TENM3: variants seen among roughly 807,000 people sequenced by gnomAD.
TENM3 encodes the protein teneurin transmembrane protein 3, also known as teneurin-3.
A neutral mutation model predicts 255.1 loss-of-function variants in TENM3; 63 were observed. That is an observed-to-expected ratio of 0.25 (90% CI 0.20 to 0.30). TENM3 has a LOEUF of 0.30. TENM3 is among the 10% of genes least tolerant of loss of function. The pLI, the probability that TENM3 is intolerant of heterozygous loss-of-function variation, is 1.00. For missense variants in TENM3, 2,929 were observed against 3,461.1 expected (o/e 0.85, Z 3.86); for synonymous variants, 1,306 against 1,322.3 (o/e 0.99, Z 0.27).
chr4:182,637,655 T>C (rs1169175490), intron 5 of TENM3, among the ~76,000 whole-genome samples: 1 of 152,228 alleles, frequency 6.6e-6, no homozygotes, highest in African/African-American at 2.4e-5. Flanking sequence ...CATTTATTTA[T>C]CAGGTGACTA....
rs190458931 is a variant in TENM3, at chr4:182,174,758, G to C, written c.-76+30004G>C. ...AGCTTTAATATCCAATTTAATGAAA[G>C]ATGCTTATTTCACTTTCCAGAGCAG... On this transcript the variant is annotated intron_variant, in intron 1 of 2. Coordinates refer to the TENM3 transcript ENST00000512480. Among the ~76,000 whole-genome samples the C allele has an allele frequency of 4.0e-3, 613 of 152,228 alleles. 7 individuals are homozygous for C. Among genetic ancestry groups the C allele is most frequent in the African/African-American group, 0.013 (558 of 41,562 alleles).
chr4:182,113,236 A>G, the TENM3 span, among the ~76,000 whole-genome samples: 1 of 152,230 alleles, frequency 6.6e-6, no homozygotes, highest in African/African-American at 2.4e-5. Flanking sequence ...TTCTTTTAAT[A>G]GACTTAAAGA....
the TENM3 span, among the ~76,000 whole-genome samples, chr4:181,596,959 G>A: frequency 6.6e-6 from 1 of 152,148 alleles, no homozygotes; most frequent in South Asian, 2.1e-4. Flanking sequence ...GGAGGGAGAG[G>A]ATCAGGAAAA....
chr4:182,384,571 A>G (rs549910022), intron 3 of TENM3, among the ~76,000 whole-genome samples: 1 of 152,164 alleles, frequency 6.6e-6, no homozygotes, highest in Admixed American at 6.5e-5. Context: ...TTTCAAAAAC[A>G]CCACCGATAT....
intron 1 of TENM3, among the ~76,000 whole-genome samples, chr4:182,311,727 T>C (rs1762455310): frequency 6.6e-6 from 1 of 152,208 alleles, no homozygotes; most frequent in Non-Finnish European, 1.5e-5. Context: ...AAATTAATAA[T>C]TCGTCAAGGA....
the TENM3 span, among the ~76,000 whole-genome samples, chr4:181,603,142 C>CA: frequency 2.0e-5 from 3 of 152,168 alleles, no homozygotes; most frequent in Admixed American, 1.3e-4. Flanking sequence ...CTCTTAATGA[C>CA]AAAATGCCAT....
At chr4:181,657,147 G>A in the TENM3 span, among the ~76,000 whole-genome samples, 1 of 152,174 alleles carries the variant, frequency 6.6e-6, no homozygotes, top group African/African-American at 2.4e-5. Flanking sequence ...GCAGCTTAGA[G>A]GACCAGTGAT....
chr4:182,249,724 G>GT (rs1319766281), intron 1 of TENM3, among the ~76,000 whole-genome samples: 2 of 152,104 alleles, frequency 1.3e-5, no homozygotes, highest in Non-Finnish European at 2.9e-5. Flanking sequence ...CAATTGTGAT[G>GT]TTTTTATATA....
At chr4:181,623,610 A>G in the TENM3 span, among the ~76,000 whole-genome samples, 1 of 152,242 alleles carries the variant, frequency 6.6e-6, no homozygotes, top group Non-Finnish European at 1.5e-5. Context: ...TCATTCTTAA[A>G]AATCTGTGAA....
the TENM3 span, among the ~76,000 whole-genome samples, chr4:182,006,019 C>T: frequency 6.6e-6 from 1 of 152,148 alleles, no homozygotes. Flanking sequence ...CCAGCAGAGA[C>T]AACTTGACTT....
the TENM3 span, among the ~76,000 whole-genome samples, chr4:181,461,520 T>C: frequency 6.6e-6 from 1 of 152,170 alleles, no homozygotes; most frequent in African/African-American, 2.4e-5. Context: ...AATAGCTTCC[T>C]CTACACGTCA....
upstream of TENM3, chr4:182,141,288 A>G (rs887533065): frequency 2.0e-5 from 3 of 152,186 alleles, no homozygotes; most frequent in Non-Finnish European, 4.4e-5. Flanking sequence ...TCCAGTTTTT[A>G]TTGCTGCGGA....
chr4:181,839,921 T>G, the TENM3 span, among the ~76,000 whole-genome samples: 4 of 151,982 alleles, frequency 2.6e-5, no homozygotes, highest in African/African-American at 9.7e-5. Context: ...ATAAATTGAT[T>G]GACGTCTTTT....
the TENM3 span, among the ~76,000 whole-genome samples, chr4:181,558,101 T>G: frequency 2.6e-5 from 4 of 152,322 alleles, no homozygotes; most frequent in African/African-American, 9.6e-5. Context: ...GATTTGATTT[T>G]TGATGCCTGA....
At chr4:182,250,964 G>T (rs1757972680) in intron 1 of TENM3, among the ~76,000 whole-genome samples, 1 of 152,134 alleles carries the variant, frequency 6.6e-6, no homozygotes, top group South Asian at 2.1e-4. Context: ...GTTCACATTT[G>T]ATTTTCTTAA....
At chr4:182,283,537 A>T (rs1380979863) in intron 1 of TENM3, among the ~76,000 whole-genome samples, 2 of 152,180 alleles carry the variant, frequency 1.3e-5, no homozygotes, top group African/African-American at 4.8e-5. Context: ...GGATAAAGAT[A>T]TATATGTAAA....
At chr4:181,825,698 A>C in the TENM3 span, among the ~76,000 whole-genome samples, 1 of 152,216 alleles carries the variant, frequency 6.6e-6, no homozygotes, top group African/African-American at 2.4e-5. Flanking sequence ...AGTTAACATA[A>C]GTGTACTCAA....
At chr4:181,656,705 C>G in the TENM3 span, among the ~76,000 whole-genome samples, 2 of 152,074 alleles carry the variant, frequency 1.3e-5, no homozygotes, top group African/African-American at 4.8e-5. Context: ...GTAAAAATAG[C>G]AGGGGTGGAG....
intron 4 of TENM3, among the ~76,000 whole-genome samples, chr4:182,608,647 G>A (rs1451084042): frequency 6.6e-6 from 1 of 152,116 alleles, no homozygotes; most frequent in Non-Finnish European, 1.5e-5. Context: ...CCGCGGCGGC[G>A]GGGAGGGATT....
Sources: allele counts gnomAD v4.1 joint callset (sites outside exome capture counted in the v4.1 genomes callset), GRCh38; gene constraint gnomAD v4.1.1; transcripts MANE v1.5; gene names NCBI Gene and HGNC (gene_info 2026-07-23, HGNC 2026-07-21).